NSMCE2: variants seen among roughly 807,000 people sequenced by gnomAD.
NSMCE2 encodes NSE2 SUMO ligase component of SMC5/6 complex.
NSMCE2 carries 24 observed loss-of-function variants against 23.8 expected under a neutral mutation model. That is an observed-to-expected ratio of 1.01 (90% CI 0.73 to 1.42). NSMCE2 has a LOEUF of 1.42. Ranked by LOEUF, NSMCE2 falls within the 40% of genes most tolerant of loss-of-function variation. The pLI, the probability that NSMCE2 is intolerant of heterozygous loss-of-function variation, is 0.00. For missense variants in NSMCE2, 284 were observed against 296.5 expected (o/e 0.96, Z 0.31); for synonymous variants, 92 against 94.1 (o/e 0.98, Z 0.13).
chr8:125,275,710 C>T (rs919680396), intron 5 of NSMCE2, among the ~76,000 whole-genome samples: 5 of 152,202 alleles, frequency 3.3e-5, no homozygotes, highest in East Asian at 3.9e-4. Flanking sequence ...AATGTGTTTT[C>T]GATGCCGTAT....
chr8:125,112,251 T>C (rs1398702762), intron 3 of NSMCE2, among the ~76,000 whole-genome samples: 1 of 152,224 alleles, frequency 6.6e-6, no homozygotes, highest in Non-Finnish European at 1.5e-5. Flanking sequence ...AGGCAATGCC[T>C]ACACCAGGAT....
chr8:125,218,498 G>A (rs944139028), intron 5 of NSMCE2, among the ~76,000 whole-genome samples: 9 of 149,804 alleles, frequency 6.0e-5, no homozygotes, highest in East Asian at 2.0e-4. Flanking sequence ...TGCAACCTCC[G>A]CATCTTGGGT....
intron 5 of NSMCE2, among the ~76,000 whole-genome samples, chr8:125,267,174 A>C (rs1826956531): frequency 1.3e-5 from 2 of 151,530 alleles, no homozygotes; most frequent in Non-Finnish European, 2.9e-5. Flanking sequence ...CGCCCGGTTA[A>C]TTTTTGTATT....
chr8:125,202,192 C>G (rs892898059), intron 5 of NSMCE2, among the ~76,000 whole-genome samples: 38 of 152,350 alleles, frequency 2.5e-4, no homozygotes, highest in African/African-American at 8.9e-4. Flanking sequence ...ATGCCCCGCC[C>G]TACTTCACCT....
chr8:125,366,648 G>A, intron 7 of NSMCE2, 120 bp from the exon 8 acceptor site: 1 of 691,538 alleles, frequency 1.4e-6, no homozygotes, highest in South Asian at 1.7e-5. Flanking sequence ...GCACAGCTTG[G>A]TCCTGATTTT....
chr8:125,188,676 G>A (rs1423173580), intron 5 of NSMCE2, among the ~76,000 whole-genome samples: 1 of 152,112 alleles, frequency 6.6e-6, no homozygotes, highest in Non-Finnish European at 1.5e-5. Context: ...ATGAGAGACG[G>A]CAGCCGTTTA....
chr8:125,326,181 C>T (rs930818836), intron 5 of NSMCE2, among the ~76,000 whole-genome samples: 10 of 149,062 alleles, frequency 6.7e-5, no homozygotes, highest in East Asian at 2.0e-4. Context: ...GGCGTGAACC[C>T]GAGAGGCAGA....
At chr8:125,103,199 G>C (rs1226777571) in intron 3 of NSMCE2, among the ~76,000 whole-genome samples, 2 of 152,102 alleles carry the variant, frequency 1.3e-5, no homozygotes, top group Non-Finnish European at 2.9e-5. Context: ...CCAGCTACTC[G>C]GGAGGCTGAG....
At chr8:125,210,743 T>C (rs1173531160) in intron 5 of NSMCE2, among the ~76,000 whole-genome samples, 2 of 152,184 alleles carry the variant, frequency 1.3e-5, no homozygotes, top group African/African-American at 2.4e-5. Flanking sequence ...AGACAGGGTC[T>C]CACTCTGTTG....
chr8:125,183,197 A>G (rs901239377), intron 5 of NSMCE2, among the ~76,000 whole-genome samples: 3 of 152,204 alleles, frequency 2.0e-5, no homozygotes, highest in African/African-American at 4.8e-5. Context: ...AGGGATTCGT[A>G]TTTTGAAATA....
chr8:125,298,845 T>A (rs997999374), intron 5 of NSMCE2, among the ~76,000 whole-genome samples: 1 of 152,160 alleles, frequency 6.6e-6, no homozygotes, highest in African/African-American at 2.4e-5. Flanking sequence ...ATTAATCCTC[T>A]TAATAACTGC....
chr8:125,276,603 C>G (rs959090340), intron 5 of NSMCE2, among the ~76,000 whole-genome samples: 13 of 151,560 alleles, frequency 8.6e-5, no homozygotes, highest in Non-Finnish European at 1.8e-4. Context: ...TATACAGTCC[C>G]TCATAGAGTG....
intron 5 of NSMCE2, among the ~76,000 whole-genome samples, chr8:125,284,092 T>A (rs1036349062): frequency 6.6e-6 from 1 of 150,606 alleles, no homozygotes; most frequent in African/African-American, 2.5e-5. Context: ...AAGCAGAGCT[T>A]GCAGTGAGCT....
At chr8:125,124,560 G>A (rs771616931) in intron 3 of NSMCE2, among the ~76,000 whole-genome samples, 8 of 151,758 alleles carry the variant, frequency 5.3e-5, no homozygotes, top group Non-Finnish European at 8.8e-5. Flanking sequence ...GCTCACTGTA[G>A]CCTCAACCTT....
At chr8:125,112,480 G>A (rs1818808325) in intron 3 of NSMCE2, among the ~76,000 whole-genome samples, 1 of 152,106 alleles carries the variant, frequency 6.6e-6, no homozygotes, top group African/African-American at 2.4e-5. Flanking sequence ...AGATACAGAA[G>A]CAAACCTGAG....
intron 7 of NSMCE2, among the ~76,000 whole-genome samples, chr8:125,364,733 G>C (rs1813707687): frequency 6.6e-6 from 1 of 152,196 alleles, no homozygotes; most frequent in African/African-American, 2.4e-5. Context: ...ATCTGGAAGG[G>C]AATTAACATT....
At chr8:125,100,142 A>G (rs969666344) in intron 1 of NSMCE2, among the ~76,000 whole-genome samples, 4 of 152,078 alleles carry the variant, frequency 2.6e-5, no homozygotes, top group African/African-American at 9.7e-5. Context: ...CAAAATTTCT[A>G]TTCTGACTGC....
At chr8:125,226,320 G>A (rs1033718612) in intron 5 of NSMCE2, among the ~76,000 whole-genome samples, 16 of 152,332 alleles carry the variant, frequency 1.1e-4, no homozygotes, top group African/African-American at 3.8e-4. Flanking sequence ...AGGAAAGGAA[G>A]GTGACCGTAC....
chr8:125,334,964 C>T (rs1830023932), intron 5 of NSMCE2, among the ~76,000 whole-genome samples: 1 of 151,670 alleles, frequency 6.6e-6, no homozygotes, highest in Non-Finnish European at 1.5e-5. Context: ...CTATGTTGCC[C>T]ACGCTCATCT....
Sources: gnomAD v4.1 joint callset for allele counts (sites outside exome capture counted in the v4.1 genomes callset) on GRCh38, gnomAD v4.1.1 for gene constraint, MANE v1.5 for transcripts, NCBI Gene and HGNC (gene_info 2026-07-23, HGNC 2026-07-21) for gene names.